Variants in PHF20 observed in about 807,000 individuals in gnomAD.
The protein encoded by PHF20 is glioma-expressed antigen 2.
In PHF20, 23 loss-of-function variants were observed where a neutral mutation model predicts 113.5. The ratio of observed to expected loss-of-function variants is 0.20; its 90% confidence interval spans 0.15 to 0.29. The LOEUF (loss-of-function observed/expected upper bound fraction) is 0.29. Ranked by LOEUF, PHF20 falls within the 10% of genes least tolerant of loss-of-function variation. The pLI, the probability that PHF20 is intolerant of heterozygous loss-of-function variation, is 1.00. For synonymous variants in PHF20, 434 were observed against 457.3 expected (o/e 0.95, Z 0.65); for missense variants, 943 against 1,219.6 (o/e 0.77, Z 3.38).
At chr20:35,803,962 C>T (rs1199375297) in intron 2 of PHF20, among the ~76,000 whole-genome samples, 3 of 151,902 alleles carry the variant, frequency 2.0e-5, no homozygotes, top group Non-Finnish European at 4.4e-5. Flanking sequence ...TCAAGTGATC[C>T]TCCTGCCTTA....
At chr20:35,847,088 A>G (rs1357454553) in intron 3 of PHF20, among the ~76,000 whole-genome samples, 1 of 152,184 alleles carries the variant, frequency 6.6e-6, no homozygotes, top group Non-Finnish European at 1.5e-5. Flanking sequence ...GGGATCTGCT[A>G]CCATGACCCA....
chr20:35,925,042 T>C (rs1161813885), intron 13 of PHF20, among the ~76,000 whole-genome samples: 1 of 152,208 alleles, frequency 6.6e-6, no homozygotes, highest in Non-Finnish European at 1.5e-5. Context: ...CATTTCTAAA[T>C]GCATTTGAAT....
chr20:35,873,933 A>G (rs1484978704), intron 9 of PHF20, among the ~76,000 whole-genome samples: 2 of 152,176 alleles, frequency 1.3e-5, no homozygotes, highest in Non-Finnish European at 2.9e-5. Context: ...CACATGAATT[A>G]TATCTGTATA....
intron 1 of PHF20, among the ~76,000 whole-genome samples, chr20:35,782,017 C>T (rs941905667): frequency 1.3e-5 from 2 of 152,088 alleles, no homozygotes; most frequent in African/African-American, 4.8e-5. Flanking sequence ...CTCCTCCCAG[C>T]CCCAGCAGCT....
chr20:35,867,762 C>G (rs950339410), intron 6 of PHF20, among the ~76,000 whole-genome samples: 1 of 152,064 alleles, frequency 6.6e-6, no homozygotes, highest in Non-Finnish European at 1.5e-5. Flanking sequence ...TTAGATGAGT[C>G]TTTTCTGTCC....
intron 9 of PHF20, among the ~76,000 whole-genome samples, chr20:35,887,414 G>A (rs1389104480): frequency 2.0e-5 from 3 of 152,136 alleles, no homozygotes; most frequent in Non-Finnish European, 4.4e-5. Context: ...TACTGGGGAG[G>A]GTTTCAGGCT....
chr20:35,802,650 A>G (rs2041801460), intron 2 of PHF20, among the ~76,000 whole-genome samples: 2 of 152,130 alleles, frequency 1.3e-5, no homozygotes, highest in African/African-American at 4.8e-5. Flanking sequence ...AGAATTAGGT[A>G]CACTTGGCTG....
rs1038795802 is a variant in PHF20 at position 35,949,723 on chromosome 20, C to T, written c.*2096C>T. The T allele has an allele frequency of 1.3e-5, 2 of 152,598 alleles. No homozygotes were observed. The highest frequency in any genetic ancestry group is 4.8e-5 in the African/African-American group (2 of 41,446). The allele number at this position is 152,598 out of a possible 1,614,324, so 9.5% of individuals were successfully genotyped here. A position where few individuals can be genotyped will look rare whatever the true frequency, so the allele number is the denominator to read the frequency against. ...AACCCTATGTTGGAGCACTGGAAAC[C>T]GTTATTTGCAAACATTGCTGTTACC... is the stretch of plus-strand genomic sequence containing the variant. On this transcript the variant is annotated 3_prime_UTR_variant, in exon 18 of 18. Transcript: ENST00000374012.
At chr20:35,807,246 T>G (rs1403391239) in intron 2 of PHF20, among the ~76,000 whole-genome samples, 2 of 152,208 alleles carry the variant, frequency 1.3e-5, no homozygotes, top group Non-Finnish European at 2.9e-5. Context: ...TGTTTTACTT[T>G]ATGAACTTTA....
At chr20:35,857,582 T>G (rs892364305) in intron 4 of PHF20, among the ~76,000 whole-genome samples, 18 of 144,838 alleles carry the variant, frequency 1.2e-4, no homozygotes, top group African/African-American at 2.8e-4. Flanking sequence ...TTTTTTTTTT[T>G]TTTTGTTTTT....
chr20:35,825,122 G>A (rs2042238835), intron 2 of PHF20, among the ~76,000 whole-genome samples: 1 of 152,116 alleles, frequency 6.6e-6, no homozygotes, highest in African/African-American at 2.4e-5. Context: ...AACCTTTTGA[G>A]GAACTGCTAA....
chr20:35,922,611 T>G (rs1002534812), intron 13 of PHF20, among the ~76,000 whole-genome samples: 4 of 152,216 alleles, frequency 2.6e-5, no homozygotes, highest in Non-Finnish European at 5.9e-5. Flanking sequence ...TCCTACTTAA[T>G]AAATACGGTA....
intron 13 of PHF20, among the ~76,000 whole-genome samples, chr20:35,922,347 G>A (rs979823978): frequency 1.9e-4 from 29 of 152,164 alleles, no homozygotes; most frequent in African/African-American, 6.8e-4. Context: ...AACAAATACA[G>A]TTTAAACTTT....
intron 9 of PHF20, among the ~76,000 whole-genome samples, chr20:35,879,964 A>T (rs1282287215): frequency 1.3e-5 from 2 of 152,022 alleles, no homozygotes; most frequent in African/African-American, 2.4e-5. Flanking sequence ...TGTGCTCCAG[A>T]GCTGTGACAG....
At chr20:35,803,765 A>G (rs971158395) in intron 2 of PHF20, among the ~76,000 whole-genome samples, 1 of 150,128 alleles carries the variant, frequency 6.7e-6, no homozygotes, top group African/African-American at 2.4e-5. Context: ...TATATATTAT[A>G]TAAGTAGTAT....
chr20:35,850,302 T>G (rs994957208), intron 4 of PHF20, among the ~76,000 whole-genome samples: 1 of 102,998 alleles, frequency 9.7e-6, no homozygotes, highest in African/African-American at 4.5e-5. Context: ...CTCCGTTTTT[T>G]TTTTTTTTTT....
intron 15 of PHF20, among the ~76,000 whole-genome samples, chr20:35,937,463 C>T (rs988084516): frequency 2.7e-5 from 4 of 147,588 alleles, no homozygotes; most frequent in East Asian, 4.0e-4. Context: ...AGCGAAACTC[C>T]GTCTCAAAAA....
intron 2 of PHF20, among the ~76,000 whole-genome samples, chr20:35,836,524 C>T (rs193101187): frequency 1.3e-4 from 20 of 152,156 alleles, no homozygotes; most frequent in Admixed American, 9.8e-4. Flanking sequence ...ATGAAGCTAT[C>T]GGTTGATATC....
intron 4 of PHF20, among the ~76,000 whole-genome samples, chr20:35,853,600 A>C (rs2042777640): frequency 6.6e-6 from 1 of 152,106 alleles, no homozygotes; most frequent in Non-Finnish European, 1.5e-5. Flanking sequence ...AAAACTAAAA[A>C]ATAAAAAATT....
Sources: allele counts gnomAD v4.1 joint callset (sites outside exome capture counted in the v4.1 genomes callset), GRCh38; gene constraint gnomAD v4.1.1; transcripts MANE v1.5; gene names NCBI Gene and HGNC (gene_info 2026-07-23, HGNC 2026-07-21).